Variants in HMGB1 observed in about 807,000 individuals in gnomAD.
The protein encoded by HMGB1 is high mobility group box 1.
For synonymous variants in HMGB1, 81 were observed against 84.0 expected, an observed-to-expected ratio of 0.96 and a Z score of 0.19; for missense variants, 79 against 253.5, an observed-to-expected ratio of 0.31 and a Z score of 4.67.
At chr13:30,523,792 G>A (rs1247057108) in intron 1 of HMGB1, among the ~76,000 whole-genome samples, 1 of 151,446 alleles carries the variant, frequency 6.6e-6, no homozygotes, top group East Asian at 1.9e-4. Flanking sequence ...CCAGGCTGGA[G>A]TGCAGTGGTG....
At chr13:30,543,724 G>A (rs1022599387) in intron 1 of HMGB1, among the ~76,000 whole-genome samples, 6 of 152,128 alleles carry the variant, frequency 3.9e-5, no homozygotes, top group African/African-American at 1.2e-4. Flanking sequence ...GGGCCCTGAA[G>A]CCCCAACTGC....
intron 1 of HMGB1, among the ~76,000 whole-genome samples, chr13:30,518,944 G>C (rs911867514): frequency 6.6e-5 from 10 of 151,094 alleles, no homozygotes; most frequent in African/African-American, 2.4e-4. Context: ...GGCTGGTCTT[G>C]AATTCCTGGG....
chr13:30,464,744 A>C (rs1256834179), intron 1 of HMGB1: 1 of 455,590 alleles, frequency 2.2e-6, no homozygotes, highest in African/African-American at 2.2e-5. Context: ...CGCGAGCGAG[A>C]ATATGGCTCC....
chr13:30,495,180 C>T (rs1432685834), intron 1 of HMGB1, among the ~76,000 whole-genome samples: 1 of 152,204 alleles, frequency 6.6e-6, no homozygotes, highest in Non-Finnish European at 1.5e-5. Flanking sequence ...CTATTCACTG[C>T]CATCCTTACC....
At chr13:30,553,775 A>G in intron 1 of HMGB1, 3 of 1,391,072 alleles carry the variant, frequency 2.2e-6, no homozygotes, top group Non-Finnish European at 3.1e-6. Context: ...ATCTTCATAG[A>G]GTGGCCAAGT....
chr13:30,474,586 A>C, intron 1 of HMGB1, among the ~76,000 whole-genome samples: 1 of 152,102 alleles, frequency 6.6e-6, no homozygotes, highest in East Asian at 1.9e-4. Context: ...CAGACGTTTC[A>C]TTCGGTCAAA....
chr13:30,490,112 C>T (rs558939945), intron 1 of HMGB1, among the ~76,000 whole-genome samples: 2 of 151,004 alleles, frequency 1.3e-5, no homozygotes, highest in African/African-American at 4.9e-5. Flanking sequence ...GATCCTTTAG[C>T]TATCTTCCAG....
intron 1 of HMGB1, among the ~76,000 whole-genome samples, chr13:30,519,377 A>G (rs1463935269): frequency 7.3e-6 from 1 of 136,516 alleles, no homozygotes; most frequent in Non-Finnish European, 1.5e-5. Flanking sequence ...TGAGTGACAG[A>G]GTGACACTCT....
intron 1 of HMGB1, among the ~76,000 whole-genome samples, chr13:30,511,071 C>T (rs1035161634): frequency 3.3e-5 from 5 of 152,090 alleles, no homozygotes; most frequent in African/African-American, 1.2e-4. Context: ...TACGGCTTTA[C>T]ACATATACAG....
chr13:30,591,968 A>C (rs529335447), intron 1 of HMGB1, among the ~76,000 whole-genome samples: 2 of 152,274 alleles, frequency 1.3e-5, no homozygotes, highest in South Asian at 4.1e-4. Flanking sequence ...GTTATATTAT[A>C]TACTATAGTT....
Position 30,559,544 on chromosome 13 carries a change from G to C in HMGB1, c.-15+57127C>G, listed in dbSNP as rs140318303. On this transcript the variant is annotated intron_variant, in intron 1 of 4. Transcript: ENST00000405805. The surrounding 1 kb of genome is among the most constrained non-coding windows in gnomAD (Gnocchi z 6.6). Reference sequence around the variant, plus strand: ...TGCAAAGTAGTGTTCAGAGATGTGCGTGTAGTAGGCTGCCTGCTCTAACAC... The same window carrying C: ...TGCAAAGTAGTGTTCAGAGATGTGCCTGTAGTAGGCTGCCTGCTCTAACAC... Among the ~76,000 whole-genome samples, 10 of 152,164 alleles carry C rather than the reference G, an allele frequency of 6.6e-5. No homozygotes were observed. The highest frequency in any genetic ancestry group is 9.7e-5 in the African/African-American group (4 of 41,444).
At chr13:30,470,463 T>C (rs1036765142), upstream of HMGB1, among the ~76,000 whole-genome samples, 2 of 152,114 alleles carry the variant, frequency 1.3e-5, no homozygotes, top group East Asian at 1.9e-4. Flanking sequence ...AGAGGCACAG[T>C]TGGAGGGTGA....
intron 1 of HMGB1, among the ~76,000 whole-genome samples, chr13:30,526,184 G>A (rs1824204027): frequency 6.6e-6 from 1 of 152,150 alleles, no homozygotes; most frequent in Admixed American, 6.5e-5. Flanking sequence ...AGTCTCCTGA[G>A]TAGCTGGGAT....
At position 30,462,344 on chromosome 13, in the gene HMGB1, C is replaced by A. The variant is rs187516449; in HGVS notation, c.471+194G>T. ...CAACATAAATGTACACAGCCTTTGT[C>A]TGAGTCTGATTACATTTTAGTCAAA... On this transcript the variant is annotated intron_variant, in intron 4 of 4. Transcript: ENST00000341423. The A allele has an allele frequency of 4.7e-4, 314 of 663,178 alleles. 3 individuals carry two copies. The East Asian group carries it at 7.5e-3, about 16-fold the overall frequency. The allele number at this position is 663,178 out of a possible 1,614,324, so 41.1% of individuals were successfully genotyped here. A position where few individuals can be genotyped will look rare whatever the true frequency, so the allele number is the denominator to read the frequency against.
chr13:30,525,209 A>G (rs1888335748), intron 1 of HMGB1, among the ~76,000 whole-genome samples: 1 of 152,236 alleles, frequency 6.6e-6, no homozygotes, highest in Non-Finnish European at 1.5e-5. Context: ...TCATTTAAAG[A>G]TAAATGATCA....
At chr13:30,468,947 G>A (rs1407078883), upstream of HMGB1, among the ~76,000 whole-genome samples, 2 of 152,066 alleles carry the variant, frequency 1.3e-5, no homozygotes, top group Admixed American at 6.6e-5. Context: ...AGGCTGGAGT[G>A]GAATGGCACG....
intron 1 of HMGB1, among the ~76,000 whole-genome samples, chr13:30,500,410 C>T (rs146315934): frequency 1.4e-4 from 21 of 152,226 alleles, no homozygotes; most frequent in African/African-American, 4.6e-4. Context: ...CATTCTGTTG[C>T]TCAGGCTGGA....
chr13:30,593,681 T>C (rs1203052390), intron 1 of HMGB1, among the ~76,000 whole-genome samples: 1 of 152,266 alleles, frequency 6.6e-6, no homozygotes. Flanking sequence ...AATTTTGTTT[T>C]ACATTGATCC....
intron 1 of HMGB1, among the ~76,000 whole-genome samples, chr13:30,498,324 T>C (rs1887658337): frequency 6.6e-6 from 1 of 152,190 alleles, no homozygotes; most frequent in Middle Eastern, 3.4e-3. Flanking sequence ...CATCTCAAAA[T>C]ATATCCTCCC....
Sources: gnomAD v4.1 joint callset for allele counts (sites outside exome capture counted in the v4.1 genomes callset) on GRCh38, gnomAD v4.1.1 for gene constraint, Gnocchi (gnomAD v3.1) non-coding constraint, MANE v1.5 for transcripts, NCBI Gene and HGNC (gene_info 2026-07-23, HGNC 2026-07-21) for gene names.